The following NEK1 variants were observed in gnomAD, a reference collection of about 807,000 sequenced individuals.
The protein encoded by NEK1 is serine/threonine-protein kinase Nek1.
In NEK1, 137 loss-of-function variants were observed where a neutral mutation model predicts 182.1. That is an observed-to-expected ratio of 0.75 (90% confidence interval 0.65 to 0.87). NEK1 has a LOEUF of 0.87. Ranked by LOEUF, NEK1 falls within the 40% of genes least tolerant of loss-of-function variation. The pLI, the probability that NEK1 is intolerant of heterozygous loss-of-function variation, is 0.00. For synonymous variants in NEK1, 513 were observed against 492.2 expected, an observed-to-expected ratio of 1.04 and a Z score of -0.56; for missense variants, 1,391 against 1,494.4, an observed-to-expected ratio of 0.93 and a Z score of 1.14.
intron 35 of NEK1, among the ~76,000 whole-genome samples, chr4:169,396,394 A>AAAGAAG: frequency 7.0e-6 from 1 of 142,376 alleles, no homozygotes; most frequent in African/African-American, 2.7e-5. Flanking sequence ...AAAAAAAAAA[A>AAAGAAG]AAGAAGAATC....
chr4:169,573,703 A>T (rs1765226628), intron 12 of NEK1, among the ~76,000 whole-genome samples: 3 of 152,222 alleles, frequency 2.0e-5, no homozygotes, highest in African/African-American at 7.2e-5. Flanking sequence ...GCAGACTCCT[A>T]AAGAAGTAAG....
chr4:169,406,611 G>A lies in NEK1; in HGVS notation c.3359C>T (p.Ser1120Phe), dbSNP rs1446858162. ...TTATACTTACATGTCTTCAGAATCA[G>A]AAGGTCCTTCTTTAATGTTTTCATC... ...IEDENIKEGP[S>F]DSEDIVFEET... is the part of the protein sequence containing the mutation. Residue 1120 changes from serine to phenylalanine, a missense_variant, in exon 32 of 36, where the codon TCT becomes TTT. By Grantham distance (155) the Ser-to-Phe change is radical. Coordinates refer to ENST00000507142, the MANE Select transcript of NEK1 (RefSeq NM_001199397.3). 6.2e-7 allele frequency: 1 copy of A among 1,600,768 alleles called. No homozygotes were observed. The highest frequency in any genetic ancestry group is 2.2e-5 in the East Asian group (1 of 44,570).
At chr4:169,578,501 C>T (rs1766075170) in intron 11 of NEK1, among the ~76,000 whole-genome samples, 1 of 152,044 alleles carries the variant, frequency 6.6e-6, no homozygotes, top group African/African-American at 2.4e-5. Flanking sequence ...AAAATGAAAT[C>T]CTACGACTAA....
In NEK1 at chr4:169,476,197, C is replaced by T. The variant is rs556324549; in HGVS notation, c.2434+927G>A. 1.2e-4 allele frequency among the ~76,000 whole-genome samples: 18 copies of T among 152,148 alleles called. No homozygotes were observed. In the South Asian group the frequency reaches 3.7e-3, roughly 32 times the overall value. On this transcript the variant is annotated intron_variant, in intron 26 of 35. Transcript: ENST00000507142. Reference sequence around the variant, plus strand: ...TCATAAAAGCAGACAGATAGTGTCCCCACCCAAATCTCATCTCAAATTATA... The same window carrying T: ...TCATAAAAGCAGACAGATAGTGTCCTCACCCAAATCTCATCTCAAATTATA...
At chr4:169,484,863 G>C (rs1391536633) in intron 23 of NEK1, among the ~76,000 whole-genome samples, 1 of 152,158 alleles carries the variant, frequency 6.6e-6, no homozygotes, top group Non-Finnish European at 1.5e-5. Flanking sequence ...CTCTGCTATA[G>C]GGATTGCATG....
intron 19 of NEK1, among the ~76,000 whole-genome samples, chr4:169,521,724 T>A (rs974209640): frequency 6.6e-6 from 1 of 152,244 alleles, no homozygotes; most frequent in Non-Finnish European, 1.5e-5. Flanking sequence ...TAGTACTTTT[T>A]CTTCTTTCAG....
chr4:169,611,544 A>G (rs1772327180), intron 2 of NEK1, among the ~76,000 whole-genome samples: 1 of 152,210 alleles, frequency 6.6e-6, no homozygotes, highest in Non-Finnish European at 1.5e-5. Context: ...TCTGCTTCCT[A>G]AAGCAGATCT....
intron 19 of NEK1, among the ~76,000 whole-genome samples, chr4:169,527,955 C>T (rs1418381990): frequency 1.3e-5 from 2 of 152,052 alleles, no homozygotes; most frequent in Non-Finnish European, 2.9e-5. Context: ...CTCAAACAAT[C>T]ATTCAGGTAA....
chr4:169,532,301 T>A (rs955121608), intron 19 of NEK1, among the ~76,000 whole-genome samples: 2 of 152,250 alleles, frequency 1.3e-5, no homozygotes, highest in African/African-American at 4.8e-5. Flanking sequence ...TGGGTTACTA[T>A]GTTCTAACAC....
chr4:169,523,243 A>G (rs1317455103), intron 19 of NEK1, among the ~76,000 whole-genome samples: 1 of 152,232 alleles, frequency 6.6e-6, no homozygotes, highest in Non-Finnish European at 1.5e-5. Flanking sequence ...AGAGATTGCT[A>G]TGTTGAACTG....
At chr4:169,418,775 T>C (rs562624711) in intron 31 of NEK1, among the ~76,000 whole-genome samples, 1 of 152,206 alleles carries the variant, frequency 6.6e-6, no homozygotes, top group Non-Finnish European at 1.5e-5. Flanking sequence ...GAGTCTAACA[T>C]ATGTAACTGG....
At chr4:169,424,125 G>A (rs1403621719) in intron 31 of NEK1, among the ~76,000 whole-genome samples, 1 of 152,046 alleles carries the variant, frequency 6.6e-6, no homozygotes, top group African/African-American at 2.4e-5. Context: ...TAGCAAGTGA[G>A]AAAAAGAGGT....
intron 12 of NEK1, among the ~76,000 whole-genome samples, chr4:169,562,478 T>C (rs1430754179): frequency 2.6e-5 from 4 of 152,104 alleles, no homozygotes; most frequent in African/African-American, 7.2e-5. Context: ...AATATTATCA[T>C]AGACTATCAT....
In NEK1 at chr4:169,401,719, C is replaced by A; in HGVS notation, c.3516G>T (p.Gly1172=). The part of the protein sequence containing the change: ...KNSDVEPTAN[G]TDVADEDDNP... Reference sequence around the variant, plus strand: ...TGTCATCTTCATCTGCCACATCTGTCCCATTTGCAGTTGGCTCCACATCAC... The same window carrying A: ...TGTCATCTTCATCTGCCACATCTGTACCATTTGCAGTTGGCTCCACATCAC... Residue 1172 remains glycine (G), a synonymous_variant, in exon 33 of 36, where the codon GGG becomes GGT. Transcript: ENST00000507142. The A allele has an allele frequency of 1.2e-6, 2 of 1,613,966 alleles. No individual in the cohort carries two copies. Among genetic ancestry groups the A allele is most frequent in the South Asian group, 1.1e-5 (1 of 91,072 alleles).
intron 19 of NEK1, among the ~76,000 whole-genome samples, chr4:169,525,434 C>T (rs534523659): frequency 4.6e-5 from 7 of 151,938 alleles, no homozygotes; most frequent in Admixed American, 3.3e-4. Context: ...CCAGCCCAAA[C>T]GTTATTTTAG....
intron 32 of NEK1, among the ~76,000 whole-genome samples, chr4:169,405,007 C>T (rs999361994): frequency 3.3e-5 from 5 of 152,096 alleles, no homozygotes; most frequent in Non-Finnish European, 5.9e-5. Flanking sequence ...AACTGGTCGA[C>T]CTGCTAACTC....
Position 169,586,628 on chromosome 4 carries a change from T to G in NEK1, c.606+931A>C, listed in dbSNP as rs1381939050. On this transcript the variant is annotated intron_variant, in intron 9 of 35. Transcript: ENST00000507142. Reference sequence around the variant, plus strand: ...TGGTTTAAAGCTCAAATAACTGTGTTGCAGAAAAACTGATCAATTATTTCA... The same window carrying G: ...TGGTTTAAAGCTCAAATAACTGTGTGGCAGAAAAACTGATCAATTATTTCA... 2.0e-5 allele frequency among the ~76,000 whole-genome samples: 3 copies of G among 152,136 alleles called. No homozygotes were observed. In the East Asian group the frequency reaches 5.8e-4, roughly 29 times the overall value.
rs868269162 is a variant in NEK1, at chr4:169,590,723, T to C, written c.396+3A>G. The C allele has an allele frequency of 1.3e-6, 2 of 1,576,272 alleles. No homozygotes were observed. Among genetic ancestry groups the C allele is most frequent in the African/African-American group, 1.3e-5 (1 of 74,398 alleles). On this transcript the variant is annotated splice_donor_region_variant and intron_variant, in intron 6 of 35. Transcript: ENST00000507142. ...AGAAGTTATCAGTGACAGAATAACA[T>C]ACCTGAGATTTAATGTCTCGATGAA...
At chr4:169,473,085 C>T (rs541181507) in intron 26 of NEK1, among the ~76,000 whole-genome samples, 36 of 139,588 alleles carry the variant, frequency 2.6e-4, no homozygotes, top group African/African-American at 1.0e-3. Context: ...ATAGTGAGTC[C>T]ACCATCTCTA....
Sources: allele counts gnomAD v4.1 joint callset (sites outside exome capture counted in the v4.1 genomes callset), GRCh38; gene constraint gnomAD v4.1.1; transcripts MANE v1.5; gene names NCBI Gene and HGNC (gene_info 2026-07-23, HGNC 2026-07-21).